Variants in PDE4D observed in about 807,000 individuals in gnomAD.
The protein encoded by PDE4D is phosphodiesterase 4D, also known as 3',5'-cyclic-AMP phosphodiesterase 4D.
Under a neutral mutation model 87.4 loss-of-function variants are expected in PDE4D, and 24 were observed. The ratio of observed to expected loss-of-function variants is 0.27; its 90% confidence interval spans 0.20 to 0.39. The LOEUF is 0.39. Among genes scored for constraint, PDE4D ranks in the 10% least tolerant of loss-of-function variants. The probability of loss-of-function intolerance (pLI) is 1.00; values close to 1 mark genes in which losing one functional copy is unlikely to be tolerated. For missense variants in PDE4D, 714 were observed against 1,041.0 expected (o/e 0.69, Z 4.32); for synonymous variants, 384 against 383.2 (o/e 1.00, Z -0.02).
chr5:60,476,255 G>A (rs1369023964), intron 1 of PDE4D, among the ~76,000 whole-genome samples: 1 of 152,198 alleles, frequency 6.6e-6, no homozygotes, highest in Admixed American at 6.5e-5. Flanking sequence ...TAACTGAGAT[G>A]TCACCGGAAG....
At chr5:60,113,700 G>A (rs1312767861) in intron 2 of PDE4D, among the ~76,000 whole-genome samples, 8 of 152,072 alleles carry the variant, frequency 5.3e-5, no homozygotes, top group African/African-American at 9.7e-5. Context: ...ATTCACTTCT[G>A]CCTAGCCAGA....
intron 1 of PDE4D, among the ~76,000 whole-genome samples, chr5:60,482,126 A>G (rs1038436524): frequency 2.6e-5 from 4 of 152,146 alleles, no homozygotes; most frequent in African/African-American, 7.2e-5. Context: ...GAAGATAATT[A>G]GGTCATGAGA....
At position 60,311,211 on chromosome 5, in the gene PDE4D, G is replaced by A. The variant is rs139344541; in HGVS notation, c.-89-125524C>T. 4.1e-4 allele frequency among the ~76,000 whole-genome samples: 63 copies of A among 152,176 alleles called. 1 individual carries two copies. The South Asian group carries it at 4.3e-3, about 11-fold the overall frequency. ...TTGTATTTTTGTATTTCGTAGAGAC[G>A]GGGTTTCTCCATGTTGGTCAGTCTG... On this transcript the variant is annotated intron_variant, in intron 1 of 16. Transcript: ENST00000502484.
chr5:59,734,675 T>C lies in PDE4D; in HGVS notation c.455+158493A>G, dbSNP rs138207912. Among the ~76,000 whole-genome samples the C allele has an allele frequency of 3.0e-4, 45 of 150,840 alleles. No homozygotes were observed. The East Asian group carries it at 7.7e-3, about 26-fold the overall frequency. On this transcript the variant is annotated intron_variant, in intron 1 of 14. Transcript: ENST00000340635. Reference sequence around the variant, plus strand: ...CATGTATTAAATCATTTCGATTTCATTGGATATGTCATGGACTTAAAAAAA... The same window carrying C: ...CATGTATTAAATCATTTCGATTTCACTGGATATGTCATGGACTTAAAAAAA...
chr5:60,195,677 A>T (rs1741131378), intron 1 of PDE4D, among the ~76,000 whole-genome samples: 1 of 151,614 alleles, frequency 6.6e-6, no homozygotes, highest in Non-Finnish European at 1.5e-5. Flanking sequence ...TCCACGTGGA[A>T]CTCTCATTCT....
At chr5:59,325,718 A>G (rs546641029) in intron 1 of PDE4D, among the ~76,000 whole-genome samples, 13 of 152,226 alleles carry the variant, frequency 8.5e-5, no homozygotes, top group African/African-American at 3.1e-4. Flanking sequence ...GTTTGGTAGA[A>G]CTTGTATGTA....
chr5:60,308,964 C>A (rs776022614), intron 1 of PDE4D, among the ~76,000 whole-genome samples: 1 of 151,984 alleles, frequency 6.6e-6, no homozygotes, highest in Non-Finnish European at 1.5e-5. Context: ...CAGATTACAA[C>A]CAAGTAGAAT....
At chr5:59,156,320 A>AATAT (rs1554082853) in intron 5 of PDE4D, among the ~76,000 whole-genome samples, 18 of 81,770 alleles carry the variant, frequency 2.2e-4, no homozygotes, top group East Asian at 5.9e-4. Flanking sequence ...AAAAAAAAAA[A>AATAT]ATATATATAT....
At chr5:59,857,261 G>T (rs78118786) in intron 1 of PDE4D, among the ~76,000 whole-genome samples, 1 of 152,098 alleles carries the variant, frequency 6.6e-6, no homozygotes, top group East Asian at 1.9e-4. Flanking sequence ...CCTGTAACTT[G>T]CTTGGTATGG....
intron 1 of PDE4D, among the ~76,000 whole-genome samples, chr5:59,234,077 C>A (rs1755823211): frequency 6.6e-6 from 1 of 152,100 alleles, no homozygotes. Flanking sequence ...AGTTGAGAAG[C>A]AATGTTCATT....
intron 1 of PDE4D, among the ~76,000 whole-genome samples, chr5:59,784,844 TC>T (rs1765001408): frequency 1.3e-5 from 2 of 152,302 alleles, no homozygotes; most frequent in South Asian, 4.1e-4. Flanking sequence ...CATACTGTTC[TC>T]ATGGTAGTGA....
chr5:59,551,242 T>G (rs1818063239), intron 1 of PDE4D, among the ~76,000 whole-genome samples: 1 of 150,832 alleles, frequency 6.6e-6, no homozygotes, highest in South Asian at 2.1e-4. Flanking sequence ...TTTTAGTAAT[T>G]TTAACTAAAC....
At chr5:59,071,630 C>T (rs1413965560) in intron 5 of PDE4D, among the ~76,000 whole-genome samples, 1 of 148,882 alleles carries the variant, frequency 6.7e-6, no homozygotes, top group South Asian at 2.2e-4. Context: ...ATTTCTTCTC[C>T]TCTCTCTGAT....
At chr5:60,357,706 A>G (rs1376810011) in intron 1 of PDE4D, among the ~76,000 whole-genome samples, 1 of 152,208 alleles carries the variant, frequency 6.6e-6, no homozygotes, top group African/African-American at 2.4e-5. Context: ...GCTTTGGGTT[A>G]TATTATTCTC....
exon 2 of PDE4D, chr5:60,185,622 T>C (rs1388929074): frequency 2.0e-6 from 3 of 1,482,510 alleles, no homozygotes; most frequent in South Asian, 1.2e-5. Flanking sequence ...GTAATTAAAA[T>C]GGGAACTAGT....
rs564025206 is a variant in PDE4D, at chr5:59,458,471, A to G, written c.456-242503T>C. 2.6e-5 allele frequency among the ~76,000 whole-genome samples: 4 copies of G among 152,370 alleles called. No individual in the cohort carries two copies. The South Asian group carries it at 8.3e-4, about 32-fold the overall frequency. ...TGAAGGATTTTGAACTGCAGAGGACATACCACTGAAACAAAGTAGGCGCTA... is the reference window on the plus strand; with the variant it reads ...TGAAGGATTTTGAACTGCAGAGGACGTACCACTGAAACAAAGTAGGCGCTA... On this transcript the variant is annotated intron_variant, in intron 1 of 14. Coordinates refer to ENST00000340635, the MANE Select transcript of PDE4D (RefSeq NM_001104631.2).
At chr5:59,431,850 C>T (rs948963378) in intron 1 of PDE4D, among the ~76,000 whole-genome samples, 2 of 152,056 alleles carry the variant, frequency 1.3e-5, no homozygotes, top group African/African-American at 4.8e-5. Flanking sequence ...CATCATTTAT[C>T]TCCCACTTGT....
chr5:59,034,858 A>G (rs1288916488), intron 6 of PDE4D, among the ~76,000 whole-genome samples: 2 of 152,234 alleles, frequency 1.3e-5, no homozygotes, highest in African/African-American at 2.4e-5. Context: ...CCAAACCTCA[A>G]ACTGCCCCCA....
chr5:59,354,193 A>G (rs1183413832), intron 1 of PDE4D, among the ~76,000 whole-genome samples: 2 of 152,178 alleles, frequency 1.3e-5, no homozygotes, highest in Non-Finnish European at 2.9e-5. Context: ...AAAAAAAATT[A>G]TAAGGGAGAA....
Sources: gnomAD v4.1 joint callset for allele counts (sites outside exome capture counted in the v4.1 genomes callset) on GRCh38, gnomAD v4.1.1 for gene constraint, MANE v1.5 for transcripts, NCBI Gene and HGNC (gene_info 2026-07-23, HGNC 2026-07-21) for gene names.